The following CSNK1D variants were observed in gnomAD, a reference collection of about 807,000 sequenced individuals.
CSNK1D encodes casein kinase 1 delta.
A neutral mutation model predicts 46.6 loss-of-function variants in CSNK1D; 16 were observed. The observed-to-expected ratio is 0.34, with a 90% CI of 0.23 to 0.52. The LOEUF is 0.52. CSNK1D is among the 20% of genes least tolerant of loss of function. The pLI is 0.95. For synonymous variants in CSNK1D, 276 were observed against 228.2 expected (o/e 1.21, Z -1.89); for missense variants, 398 against 578.4 (o/e 0.69, Z 3.20).
chr17:82,256,894 A>C (rs1408722996), intron 2 of CSNK1D, among the ~76,000 whole-genome samples: 1 of 152,196 alleles, frequency 6.6e-6, no homozygotes, highest in Non-Finnish European at 1.5e-5. Context: ...GGCAAGACAG[A>C]TTTTTAGTTT....
intron 8 of CSNK1D, chr17:82,245,496 G>C (rs1013754637): frequency 4.7e-6 from 1 of 210,762 alleles, no homozygotes; most frequent in African/African-American, 2.3e-5. Context: ...GACTAGAAAA[G>C]CTGGCATGGC....
At chr17:82,267,322 A>G (rs1489416029) in intron 1 of CSNK1D, among the ~76,000 whole-genome samples, 1 of 152,174 alleles carries the variant, frequency 6.6e-6, no homozygotes, top group Non-Finnish European at 1.5e-5. Context: ...ACTGCTCTTT[A>G]AGATAAGGTT....
At chr17:82,247,016 C>G (rs2050867715) in intron 8 of CSNK1D, 2 of 985,454 alleles carry the variant, frequency 2.0e-6, no homozygotes, top group Non-Finnish European at 2.4e-6. Flanking sequence ...ACGGCCAAAG[C>G]CTTCCTGTGA....
chr17:82,241,102 A>G (rs371912742), downstream of CSNK1D, among the ~76,000 whole-genome samples: 2 of 152,040 alleles, frequency 1.3e-5, no homozygotes, highest in East Asian at 3.9e-4. Context: ...ACGTCCGTCC[A>G]GAACCCACTG....
intron 2 of CSNK1D, among the ~76,000 whole-genome samples, chr17:82,257,671 C>A (rs1291815915): frequency 6.6e-6 from 1 of 152,220 alleles, no homozygotes; most frequent in Non-Finnish European, 1.5e-5. Flanking sequence ...CTGCCCCCTG[C>A]ACTGCTGGGA....
intron 1 of CSNK1D, among the ~76,000 whole-genome samples, chr17:82,272,489 TAC>T (rs1489924742): frequency 1.3e-5 from 2 of 152,248 alleles, no homozygotes; most frequent in Non-Finnish European, 2.9e-5. Flanking sequence ...TTGAGACTGT[TAC>T]AGTCTAAAGG....
At chr17:82,244,921 G>T in intron 8 of CSNK1D, 90 bp from the exon 9 acceptor site, 2 of 1,553,414 alleles carry the variant, frequency 1.3e-6, no homozygotes, top group Non-Finnish European at 1.8e-6. Context: ...GGCAGGGAGG[G>T]GACGCACCGC....
intron 8 of CSNK1D, chr17:82,245,162 C>A: frequency 1.9e-6 from 1 of 525,016 alleles, no homozygotes; most frequent in South Asian, 2.1e-5. Flanking sequence ...AAAATGGGTA[C>A]CCCTCTCAGG....
intron 3 of CSNK1D, chr17:82,253,536 C>A (rs1599591712): frequency 2.3e-6 from 1 of 431,402 alleles, no homozygotes; most frequent in East Asian, 5.2e-5. Context: ...ATCGGTCTCT[C>A]CCAGCACTGT....
Position 82,249,055 on chromosome 17 carries a change from G to T in CSNK1D, c.1058-41C>A. The T allele has an allele frequency of 6.5e-7, 1 of 1,543,994 alleles. No individual in the cohort carries two copies. Among genetic ancestry groups the T allele is most frequent in the Non-Finnish European group, 8.7e-7 (1 of 1,143,018 alleles). On this transcript the variant is annotated intron_variant, in intron 7 of 8. Coordinates refer to ENST00000314028, the MANE Select transcript of CSNK1D (RefSeq NM_001893.6). The surrounding 1 kb of genome is among the most constrained non-coding windows in gnomAD (Gnocchi z 6.7). ...GAAACGGAGTGGGCCGCCCCCGTCT[G>T]CTGCCTCTCACTCGGGGCTTTCTAT...
chr17:82,266,145 C>G (rs902881427), intron 1 of CSNK1D, among the ~76,000 whole-genome samples: 1 of 152,228 alleles, frequency 6.6e-6, no homozygotes, highest in Non-Finnish European at 1.5e-5. Context: ...CCGCCCCAGA[C>G]AGCCTGTGGT....
chr17:82,265,310 C>A (rs751597575), intron 2 of CSNK1D: 3 of 332,304 alleles, frequency 9.0e-6, no homozygotes, highest in African/African-American at 6.5e-5. Flanking sequence ...TCCCAAACAG[C>A]TGGGATTACA....
chr17:82,267,600 C>G (rs2051510405), intron 1 of CSNK1D, among the ~76,000 whole-genome samples: 1 of 152,198 alleles, frequency 6.6e-6, no homozygotes, highest in South Asian at 2.1e-4. Flanking sequence ...AAATTTTGTT[C>G]TTCCTGCCTA....
downstream of CSNK1D, among the ~76,000 whole-genome samples, chr17:82,242,330 G>A (rs1392654800): frequency 6.6e-6 from 1 of 152,230 alleles, no homozygotes; most frequent in Non-Finnish European, 1.5e-5. Flanking sequence ...CCCTATGGCA[G>A]GGGGAAGGGA....
At position 82,255,081 on chromosome 17, in the gene CSNK1D, C is replaced by T; in HGVS notation, c.336+348G>A. On this transcript the variant is annotated intron_variant, in intron 3 of 8. Transcript: ENST00000314028. The surrounding 1 kb of genome is among the most constrained non-coding windows in gnomAD (Gnocchi z 5.9). ...CTGAGCCGCCGGAGCCTCGAGAAGC[C>T]AGTGAGCTGGGCCGCCGGAGCCTCG... 2.6e-6 allele frequency: 1 copy of T among 377,460 alleles called. No homozygotes were observed. Among genetic ancestry groups the T allele is most frequent in the South Asian group, 2.1e-5 (1 of 47,318 alleles). The allele number at this position is 377,460 out of a possible 1,614,324, so 23.4% of individuals were successfully genotyped here.
In CSNK1D at chr17:82,243,417, G is replaced by C. The variant is rs559097371; in HGVS notation, c.*1364C>G. The C allele has an allele frequency of 3.0e-6, 3 of 985,560 alleles. No individual in the cohort carries two copies. Among genetic ancestry groups the C allele is most frequent in the African/African-American group, 3.5e-5 (2 of 57,390 alleles). The allele number at this position is 985,560 out of a possible 1,614,324, so 61.1% of individuals were successfully genotyped here. On this transcript the variant is annotated 3_prime_UTR_variant, in exon 9 of 9. Coordinates refer to ENST00000314028, the MANE Select transcript of CSNK1D (RefSeq NM_001893.6). ...GGCTACCGCCCAAGTGCTGCGGAGTGAGAGGCGAGAAGGCATCCTGGGAAC... is the reference window on the plus strand; with the variant it reads ...GGCTACCGCCCAAGTGCTGCGGAGTCAGAGGCGAGAAGGCATCCTGGGAAC...
chr17:82,262,027 G>T (rs1267038346), intron 2 of CSNK1D, among the ~76,000 whole-genome samples: 4 of 152,232 alleles, frequency 2.6e-5, no homozygotes, highest in Admixed American at 6.5e-5. Context: ...GTTAGGATTG[G>T]AAAGAGCAGT....
chr17:82,244,558 C>A lies in CSNK1D; in HGVS notation c.*223G>T. On this transcript the variant is annotated 3_prime_UTR_variant, in exon 9 of 9. Transcript: ENST00000314028. ...GCTTTTCTTCCCAGCCCCGTTACAA[C>A]CGAGTTCACGTGGGGGGCCGCAGTG... 3 of 1,479,586 alleles carry A rather than the reference C, an allele frequency of 2.0e-6. No homozygotes were observed. The South Asian group carries it at 4.0e-5, about 20-fold the overall frequency. 91.7% of individuals were successfully genotyped at this position (1,479,586 alleles called of 1,614,324 possible).
At chr17:82,256,782 C>A (rs1324796071) in intron 2 of CSNK1D, among the ~76,000 whole-genome samples, 1 of 152,056 alleles carries the variant, frequency 6.6e-6, no homozygotes, top group African/African-American at 2.4e-5. Context: ...AAGAACATGT[C>A]TCTTCGGTAT....
Sources: allele counts gnomAD v4.1 joint callset (sites outside exome capture counted in the v4.1 genomes callset), GRCh38; gene constraint gnomAD v4.1.1; non-coding constraint Gnocchi (gnomAD v3.1); transcripts MANE v1.5; gene names NCBI Gene and HGNC (gene_info 2026-07-23, HGNC 2026-07-21).